The following ETFDH variants were observed in gnomAD, a reference collection of about 807,000 sequenced individuals.
The protein encoded by ETFDH is electron transfer flavoprotein dehydrogenase.
ETFDH carries 61 observed loss-of-function variants against 73.2 expected under a neutral mutation model. The ratio of observed to expected loss-of-function variants is 0.83; its 90% CI spans 0.68 to 1.03. The LOEUF (loss-of-function observed/expected upper bound fraction) is 1.03. Among genes scored for constraint, ETFDH ranks in the 50% least tolerant of loss-of-function variants. The pLI is 0.00. For missense variants in ETFDH, 685 were observed against 745.0 expected (o/e 0.92, Z 0.94); for synonymous variants, 243 against 253.3 (o/e 0.96, Z 0.39).
At chr4:158,680,932 TA>T (rs1195584428) in intron 2 of ETFDH, among the ~76,000 whole-genome samples, 1 of 152,208 alleles carries the variant, frequency 6.6e-6, no homozygotes, top group Non-Finnish European at 1.5e-5. Flanking sequence ...GCCAGTTCTT[TA>T]AAAGTCTACC....
intron 1 of ETFDH, among the ~76,000 whole-genome samples, chr4:158,673,332 G>A (rs927454137): frequency 2.0e-5 from 3 of 152,066 alleles, no homozygotes; most frequent in African/African-American, 7.2e-5. Context: ...TTAACTCTAA[G>A]GGCTTTATCG....
At chr4:158,693,089 G>C (rs995909408) in intron 6 of ETFDH, among the ~76,000 whole-genome samples, 5 of 152,096 alleles carry the variant, frequency 3.3e-5, no homozygotes, top group Non-Finnish European at 5.9e-5. Flanking sequence ...TTCTGTTTAA[G>C]GTGTTGTTCC....
chr4:158,687,966 GA>G (rs541917191), intron 5 of ETFDH, among the ~76,000 whole-genome samples: 46 of 152,296 alleles, frequency 3.0e-4, no homozygotes, highest in African/African-American at 1.1e-3. Context: ...CTTGAACCCA[GA>G]AGGCAGAGGT....
chr4:158,705,507 T>C (rs1774585548), intron 10 of ETFDH, among the ~76,000 whole-genome samples: 1 of 152,192 alleles, frequency 6.6e-6, no homozygotes, highest in Non-Finnish European at 1.5e-5. Context: ...AAACCTATTT[T>C]GGGGGGACAT....
chr4:158,682,302 G>A lies in ETFDH; in HGVS notation c.283G>A (p.Glu95Lys). ...TCTAAAACAGTTGGCTGTGGCACAT[G>A]AAAAGGACATCCGTGTGTGTCTAGT... ...VRLKQLAVAHEKDIRVCLVEK... is the reference protein window; with the variant it reads ...VRLKQLAVAHKKDIRVCLVEK... The change falls in exon 3 of 13, where the codon GAA becomes AAA. Residue 95 changes from glutamate to lysine, a missense_variant. Around this residue, in one of 3 missense-constraint regions of ETFDH, gnomAD observed 405 missense variants for 399.3 expected, o/e 1.01. Transcript: ENST00000511912. 1 of 1,614,212 alleles carries A rather than the reference G, an allele frequency of 6.2e-7. No individual in the cohort carries two copies. The highest frequency in any genetic ancestry group is 1.1e-5 in the South Asian group (1 of 91,086).
At chr4:158,698,440 C>G (rs1207798406) in intron 8 of ETFDH, among the ~76,000 whole-genome samples, 1 of 152,152 alleles carries the variant, frequency 6.6e-6, no homozygotes, top group Admixed American at 6.5e-5. Context: ...TTTGGTAATG[C>G]ATTATAAAAT....
Position 158,708,859 on chromosome 4 carries a change from T to C in ETFDH, c.*332T>C. ...ATGAATATATATTCTAGACTAAAGT[T>C]TTATTGAAACACAGCCATACCCATT... is the stretch of plus-strand genomic sequence containing the variant. On this transcript the variant is annotated 3_prime_UTR_variant, in exon 13 of 13. Transcript: ENST00000511912. 1 of 277,032 alleles carries C rather than the reference T, an allele frequency of 3.6e-6. No individual in the cohort carries two copies. Among genetic ancestry groups the C allele is most frequent in the South Asian group, 3.8e-5 (1 of 26,338 alleles). The allele number at this position is 277,032 out of a possible 1,614,324, so 17.2% of individuals were successfully genotyped here. A position where few individuals can be genotyped will look rare whatever the true frequency, so the allele number is the denominator to read the frequency against.
At position 158,706,627 on chromosome 4, in the gene ETFDH, A is replaced by T; in HGVS notation, c.1469-2A>T. ...TAAGCATTTCCCTCAAAATTGTTGAAGGTTCTGACTTTGAACGGCTCAAGC... is the reference window on the plus strand; with the variant it reads ...TAAGCATTTCCCTCAAAATTGTTGATGGTTCTGACTTTGAACGGCTCAAGC... On this transcript the variant is annotated splice_acceptor_variant, in intron 11 of 12. Coordinates refer to ENST00000511912, the MANE Select transcript of ETFDH (RefSeq NM_004453.4). LOFTEE classifies it high-confidence loss of function. 1 of 1,611,052 alleles carries T rather than the reference A, an allele frequency of 6.2e-7. No homozygotes were observed. Among genetic ancestry groups the T allele is most frequent in the Non-Finnish European group, 8.5e-7 (1 of 1,177,168 alleles).
In ETFDH at chr4:158,685,164, G is replaced by A. The variant is rs1773971639; in HGVS notation, c.551G>A (p.Gly184Asp). The change falls in exon 5 of 13, where the codon GGC (glycine) becomes GAC (aspartate). Residue 184 changes from glycine (G) to aspartate (D), a missense_variant. Transcript: ENST00000511912. ...VRLGHLVSWM[G>D]EQAEALGVEV... is the part of the protein sequence containing the mutation. The stretch of plus-strand genomic sequence containing the variant: ...TTGGGACATTTAGTGAGCTGGATGG[G>A]CGAACAAGCAGAAGCCCTTGGTGTT... 6.2e-7 allele frequency: 1 copy of A among 1,613,198 alleles called. No homozygotes were observed. The highest frequency in any genetic ancestry group is 8.5e-7 in the Non-Finnish European group (1 of 1,179,322).
At chr4:158,699,679 C>T (rs927904633) in intron 9 of ETFDH, among the ~76,000 whole-genome samples, 1 of 152,220 alleles carries the variant, frequency 6.6e-6, no homozygotes, top group African/African-American at 2.4e-5. Flanking sequence ...TAATATTTCT[C>T]TGTTCCTTAA....
Position 158,708,947 on chromosome 4 carries a change from A to G in ETFDH, c.*420A>G, listed in dbSNP as rs1774718569. The G allele has an allele frequency of 5.0e-6, 1 of 201,798 alleles. No homozygotes were observed. 12.5% of individuals were successfully genotyped at this position (201,798 alleles called of 1,614,324 possible). On this transcript the variant is annotated 3_prime_UTR_variant, in exon 13 of 13. Coordinates refer to ENST00000511912, the MANE Select transcript of ETFDH (RefSeq NM_004453.4). ...TGTGCAGGTGAGTGGGTGTGACATT[A>G]CATGGTCTACAAAGCCTAAAAACTT...
chr4:158,693,844 A>C (rs1373553757), intron 6 of ETFDH, among the ~76,000 whole-genome samples: 1 of 152,262 alleles, frequency 6.6e-6, no homozygotes, highest in East Asian at 1.9e-4. Flanking sequence ...ATCAAGGTGC[A>C]CTTAAACATC....
chr4:158,680,467 CA>C lies in ETFDH; in HGVS notation c.36del (p.Tyr13IlefsTer7), dbSNP rs2150304327. 6.2e-7 allele frequency: 1 copy of C among 1,602,358 alleles called. No homozygotes were observed. The highest frequency in any genetic ancestry group is 8.6e-7 in the Non-Finnish European group (1 of 1,169,562). On this transcript the variant is annotated frameshift_variant and splice_region_variant, in exon 2 of 13. Coordinates refer to ENST00000511912, the MANE Select transcript of ETFDH (RefSeq NM_004453.4). LOFTEE classifies it high-confidence loss of function. ...LVPLAKLSCL[A>X]YQCFHALKIK... ...AATAATTTTCGTAATTTTTGTGCAG[CA>C]TATCAGTGCTTTCATGCCTTAAAAA...
In ETFDH at chr4:158,673,075, G is replaced by A. The variant is rs543843785; in HGVS notation, c.34+585G>A. ...TCCCAGCACTCTGGGAGGCTGAGGCGGATGGATCACCTGAGGTCAGGAGTT... is the reference window on the plus strand; with the variant it reads ...TCCCAGCACTCTGGGAGGCTGAGGCAGATGGATCACCTGAGGTCAGGAGTT... On this transcript the variant is annotated intron_variant, in intron 1 of 12. Transcript: ENST00000511912. 2.2e-4 allele frequency among the ~76,000 whole-genome samples: 34 copies of A among 152,264 alleles called. 1 individual carries two copies. In the South Asian group the frequency reaches 6.6e-3, roughly 30 times the overall value.
chr4:158,703,647 C>A, intron 10 of ETFDH, 56 bp downstream of exon 10: 1 of 1,051,498 alleles, frequency 9.5e-7, no homozygotes, highest in Non-Finnish European at 1.5e-6. Context: ...ATGTGTATTT[C>A]AATTGACATT....
At chr4:158,673,581 G>A (rs1255903577) in intron 1 of ETFDH, among the ~76,000 whole-genome samples, 3 of 152,102 alleles carry the variant, frequency 2.0e-5, no homozygotes, top group Non-Finnish European at 2.9e-5. Flanking sequence ...CATGAAAGTA[G>A]AATTTTGTTA....
chr4:158,672,477 G>C lies in ETFDH; in HGVS notation c.21G>C (p.Lys7Asn), dbSNP rs1232501551. 1.2e-6 allele frequency: 2 copies of C among 1,614,168 alleles called. No individual in the cohort carries two copies. The highest frequency in any genetic ancestry group is 1.3e-5 in the African/African-American group (1 of 75,052). The part of the protein sequence containing the change: MLVPLA[K>N]LSCLAYQCFH... Reference sequence around the variant, plus strand: ...TGAACATGCTGGTGCCGCTAGCCAAGCTGTCCTGCCTGGGTGAGAGGAAAC... The same window carrying C: ...TGAACATGCTGGTGCCGCTAGCCAACCTGTCCTGCCTGGGTGAGAGGAAAC... Residue 7 changes from lysine to asparagine, a missense_variant, in exon 1 of 13, where the codon AAG becomes AAC. Lys to Asn is a moderately conservative substitution (Grantham distance 94). This residue lies in a region of ETFDH where 405 missense variants were observed against 399.3 expected (regional missense o/e 1.01). Coordinates refer to ENST00000511912, the MANE Select transcript of ETFDH (RefSeq NM_004453.4).
At chr4:158,673,509 G>A (rs1773633918) in intron 1 of ETFDH, among the ~76,000 whole-genome samples, 1 of 152,106 alleles carries the variant, frequency 6.6e-6, no homozygotes, top group Admixed American at 6.5e-5. Context: ...GTTTACTTAA[G>A]TTTTGGTGAT....
At chr4:158,697,147 T>G (rs568522909) in intron 7 of ETFDH, among the ~76,000 whole-genome samples, 1 of 152,146 alleles carries the variant, frequency 6.6e-6, no homozygotes, top group Non-Finnish European at 1.5e-5. Context: ...CAGGCTGGAG[T>G]GCAGTGGCAT....
Sources: allele counts gnomAD v4.1 joint callset (sites outside exome capture counted in the v4.1 genomes callset), GRCh38; gene constraint gnomAD v4.1.1; regional missense constraint gnomAD v4.1.1; transcripts MANE v1.5; gene names NCBI Gene and HGNC (gene_info 2026-07-23, HGNC 2026-07-21).